The following ST8SIA2 variants were observed in gnomAD, a reference collection of about 807,000 sequenced individuals.
ST8SIA2 encodes the protein ST8 alpha-N-acetyl-neuraminide alpha-2,8-sialyltransferase 2.
A neutral mutation model predicts 37.6 loss-of-function variants in ST8SIA2; 22 were observed. The observed-to-expected ratio is 0.58, with a 90% CI of 0.42 to 0.83. The LOEUF (loss-of-function observed/expected upper bound fraction) is 0.83. ST8SIA2 is among the 40% of genes least tolerant of loss of function. The probability of loss-of-function intolerance (pLI) is 0.00; values close to 1 mark genes in which losing one functional copy is unlikely to be tolerated. For synonymous variants in ST8SIA2, 205 were observed against 201.2 expected (o/e 1.02, Z -0.16); for missense variants, 382 against 484.7 (o/e 0.79, Z 1.99).
chr15:92,401,926 G>C lies in ST8SIA2; in HGVS notation c.98+7764G>C, dbSNP rs984571290. On this transcript the variant is annotated intron_variant, in intron 1 of 5. Coordinates refer to ENST00000268164, the MANE Select transcript of ST8SIA2 (RefSeq NM_006011.4). ...AAAGGAGCCAGAAAAAAAAAAAAAA[G>C]TGCAATGTAGCCATGATTATTAATA... 4.7e-5 allele frequency among the ~76,000 whole-genome samples: 7 copies of C among 149,398 alleles called. No individual in the cohort carries two copies. In the South Asian group the frequency reaches 1.5e-3, roughly 32 times the overall value.
chr15:92,430,172 CTCT>C, intron 2 of ST8SIA2, 61 bp downstream of exon 2: 1 of 1,502,154 alleles, frequency 6.7e-7, no homozygotes, highest in Non-Finnish European at 9.2e-7. Context: ...TAATCTGCTT[CTCT>C]TCTTTGCTGG....
chr15:92,398,540 C>T (rs1289602422), intron 1 of ST8SIA2, among the ~76,000 whole-genome samples: 1 of 152,230 alleles, frequency 6.6e-6, no homozygotes, highest in East Asian at 1.9e-4. Flanking sequence ...CACATTCCAG[C>T]CTCATGGCAA....
chr15:92,429,770 C>T (rs140086236), intron 1 of ST8SIA2, among the ~76,000 whole-genome samples: 2 of 152,178 alleles, frequency 1.3e-5, no homozygotes, highest in African/African-American at 4.8e-5. Flanking sequence ...AGTTTATTTG[C>T]CGTCTTAAAT....
At chr15:92,434,896 C>T (rs977259680) in intron 3 of ST8SIA2, among the ~76,000 whole-genome samples, 9 of 137,450 alleles carry the variant, frequency 6.5e-5, no homozygotes, top group African/African-American at 1.6e-4. Flanking sequence ...ACATGACACC[C>T]GACCAGAAAG....
chr15:92,408,854 C>T (rs181857655), intron 1 of ST8SIA2, among the ~76,000 whole-genome samples: 113 of 152,006 alleles, frequency 7.4e-4, no homozygotes, highest in Admixed American at 2.2e-3. Flanking sequence ...TACAGGTGTG[C>T]GCCACCATGC....
intron 1 of ST8SIA2, among the ~76,000 whole-genome samples, chr15:92,409,829 A>G (rs1017335588): frequency 1.3e-5 from 2 of 152,224 alleles, no homozygotes; most frequent in African/African-American, 4.8e-5. Flanking sequence ...TTGTGCAGTC[A>G]TTGCAAAGCT....
intron 4 of ST8SIA2, among the ~76,000 whole-genome samples, chr15:92,439,742 A>G (rs1274321900): frequency 6.6e-6 from 1 of 152,148 alleles, no homozygotes; most frequent in Non-Finnish European, 1.5e-5. Context: ...CCAACAGCTC[A>G]GTCCCTGTTT....
intron 1 of ST8SIA2, among the ~76,000 whole-genome samples, chr15:92,420,623 T>A (rs1222098720): frequency 6.6e-6 from 1 of 152,162 alleles, no homozygotes; most frequent in Non-Finnish European, 1.5e-5. Context: ...CCAATCAAGC[T>A]AATGTTTAAA....
Position 92,434,914 on chromosome 15 carries a change from C to T in ST8SIA2, c.290+539C>T, listed in dbSNP as rs564459587. On this transcript the variant is annotated intron_variant, in intron 3 of 5. Coordinates refer to ENST00000268164, the MANE Select transcript of ST8SIA2 (RefSeq NM_006011.4). The stretch of plus-strand genomic sequence containing the variant: ...TGACACCCGACCAGAAAGCAGAGGT[C>T]TGTTTAGCCAGAGAGCAGCTCTCGT... 2.2e-3 allele frequency among the ~76,000 whole-genome samples: 242 copies of T among 111,278 alleles called. 1 individual carries two copies. The highest frequency in any genetic ancestry group is 7.1e-3 in the African/African-American group (229 of 32,354). The allele number at this position is 111,278 out of a possible 152,430, so 73.0% of individuals were successfully genotyped here. A position where few individuals can be genotyped will look rare whatever the true frequency, so the allele number is the denominator to read the frequency against.
rs1172460027 is a variant in ST8SIA2, at chr15:92,468,255, A to T, written c.*3870A>T. The T allele has an allele frequency of 1.3e-5, 2 of 152,662 alleles. No individual in the cohort carries two copies. Among genetic ancestry groups the T allele is most frequent in the Non-Finnish European group, 2.9e-5 (2 of 68,084 alleles). 9.5% of individuals were successfully genotyped at this position (152,662 alleles called of 1,614,324 possible). ...TTTAAAAGTTCCCCGGCCCGTGAACAAATGTACAATTCTCTATTCTGACAT... is the reference window on the plus strand; with the variant it reads ...TTTAAAAGTTCCCCGGCCCGTGAACTAATGTACAATTCTCTATTCTGACAT... On this transcript the variant is annotated 3_prime_UTR_variant, in exon 6 of 6. Coordinates refer to ENST00000268164, the MANE Select transcript of ST8SIA2 (RefSeq NM_006011.4).
At chr15:92,422,845 C>T (rs375428147) in intron 1 of ST8SIA2, 2 of 152,496 alleles carry the variant, frequency 1.3e-5, no homozygotes, top group South Asian at 2.1e-4. Flanking sequence ...CTGGTGGGAC[C>T]TCTACTGCTA....
At chr15:92,452,033 G>A (rs1214141431) in intron 5 of ST8SIA2, among the ~76,000 whole-genome samples, 2 of 152,208 alleles carry the variant, frequency 1.3e-5, no homozygotes, top group Admixed American at 1.3e-4. Flanking sequence ...GGAGCAGATG[G>A]CATAGGGGCT....
At chr15:92,445,092 G>A (rs766061540) in intron 5 of ST8SIA2, 163 bp downstream of exon 5, 123 of 1,045,084 alleles carry the variant, frequency 1.2e-4, no homozygotes, top group Non-Finnish European at 1.6e-4. Context: ...TTCCTTGAGA[G>A]ATGAGGGGGT....
chr15:92,438,214 G>A (rs1428658627), intron 3 of ST8SIA2, 139 bp from the exon 4 acceptor site: 11 of 1,265,982 alleles, frequency 8.7e-6, no homozygotes, highest in Admixed American at 3.4e-5. Context: ...GTTCTCGAGG[G>A]CATCTGAACT....
chr15:92,464,664 G>A lies in ST8SIA2; in HGVS notation c.*279G>A, dbSNP rs2049980397. ...AGATTGAGACTCAATCCATCTTTGG[G>A]GGTGGAAGGACTTGACATGAAAAGA... On this transcript the variant is annotated 3_prime_UTR_variant, in exon 6 of 6. Transcript: ENST00000268164. 6.4e-6 allele frequency: 3 copies of A among 468,452 alleles called. No homozygotes were observed. Among genetic ancestry groups the A allele is most frequent in the Admixed American group, 3.6e-5 (1 of 27,884 alleles). The allele number at this position is 468,452 out of a possible 1,614,324, so 29.0% of individuals were successfully genotyped here.
intron 5 of ST8SIA2, among the ~76,000 whole-genome samples, chr15:92,451,327 C>T (rs948867807): frequency 3.9e-5 from 6 of 152,120 alleles, no homozygotes; most frequent in Non-Finnish European, 8.8e-5. Flanking sequence ...CAGGCAGCAA[C>T]GCATCAAGGC....
At chr15:92,448,936 T>C (rs540889646) in intron 5 of ST8SIA2, among the ~76,000 whole-genome samples, 17 of 150,708 alleles carry the variant, frequency 1.1e-4, no homozygotes, top group Non-Finnish European at 2.5e-4. Flanking sequence ...TTATAGGGTA[T>C]GTGGGGGGGG....
At position 92,434,395 on chromosome 15, in the gene ST8SIA2, G is replaced by A; in HGVS notation, c.290+20G>A. The A allele has an allele frequency of 6.2e-7, 1 of 1,614,104 alleles. No homozygotes were observed. Among genetic ancestry groups the A allele is most frequent in the Non-Finnish European group, 8.5e-7 (1 of 1,179,988 alleles). The stretch of plus-strand genomic sequence containing the variant: ...GATCAGGTACTGGTAATTACCTACA[G>A]GACAAGAGGTAGACTTGGTCTTGAG... On this transcript the variant is annotated intron_variant, in intron 3 of 5. Transcript: ENST00000268164.
intron 5 of ST8SIA2, among the ~76,000 whole-genome samples, chr15:92,463,554 A>G (rs967875963): frequency 2.6e-5 from 4 of 152,232 alleles, no homozygotes; most frequent in African/African-American, 9.7e-5. Flanking sequence ...CAGGCACCAC[A>G]CAAGAGCCAG....
Sources: gnomAD v4.1 joint callset for allele counts (sites outside exome capture counted in the v4.1 genomes callset) on GRCh38, gnomAD v4.1.1 for gene constraint, MANE v1.5 for transcripts, NCBI Gene and HGNC (gene_info 2026-07-23, HGNC 2026-07-21) for gene names.